Variants in SV2B observed in about 807,000 individuals in gnomAD.
SV2B encodes synaptic vesicle glycoprotein 2B, also known as solute carrier family 22 member B2.
In SV2B, 41 loss-of-function variants were observed where a neutral mutation model predicts 73.9. That is an observed-to-expected ratio of 0.56 (90% CI 0.43 to 0.72). The LOEUF is 0.72. Ranked by LOEUF, SV2B falls within the 30% of genes least tolerant of loss-of-function variation. SV2B has a pLI of 0.00. For synonymous variants in SV2B, 314 were observed against 314.2 expected (o/e 1.00, Z 0.01); for missense variants, 764 against 857.8 (o/e 0.89, Z 1.37).
At chr15:91,291,231 T>C (rs552307579) in intron 12 of SV2B, among the ~76,000 whole-genome samples, 2 of 151,504 alleles carry the variant, frequency 1.3e-5, no homozygotes, top group Non-Finnish European at 2.9e-5. Context: ...ATTCAACAAG[T>C]TTTTTTTCCC....
intron 1 of SV2B, among the ~76,000 whole-genome samples, chr15:91,218,079 G>C (rs2046094771): frequency 6.6e-6 from 1 of 152,208 alleles, no homozygotes; most frequent in African/African-American, 2.4e-5. Flanking sequence ...AGATTAACAA[G>C]AGAAAAGCAC....
chr15:91,238,662 G>A (rs904728366), intron 2 of SV2B, among the ~76,000 whole-genome samples: 8 of 152,346 alleles, frequency 5.3e-5, no homozygotes, highest in Middle Eastern at 3.4e-3. Context: ...CAGCCAGTGG[G>A]TGTAAAATCA....
At chr15:91,176,097 T>A (rs558901206) in intron 1 of SV2B, among the ~76,000 whole-genome samples, 218 of 150,764 alleles carry the variant, frequency 1.4e-3, no homozygotes, top group Non-Finnish European at 2.3e-3. Flanking sequence ...TGTCCATGTG[T>A]TCTCATTGTT....
In SV2B at chr15:91,129,609, G is replaced by C. The variant is rs1333037941; in HGVS notation, c.-392+29246G>C. Among the ~76,000 whole-genome samples the C allele has an allele frequency of 6.6e-6, 1 of 152,226 alleles. No individual in the cohort carries two copies. Among genetic ancestry groups the C allele is most frequent in the Non-Finnish European group, 1.5e-5 (1 of 68,050 alleles). On this transcript the variant is annotated intron_variant, in intron 1 of 12. Transcript: ENST00000394232. This position sits in a 1 kb window ranked among gnomAD's most constrained non-coding sequence, Gnocchi z 5.1. ...TGGGCACAGACTAGGACTGCATCTGGTTGCCTCCAGATGGCTTTAGGGGCC... is the reference window on the plus strand; with the variant it reads ...TGGGCACAGACTAGGACTGCATCTGCTTGCCTCCAGATGGCTTTAGGGGCC...
chr15:91,176,532 C>G (rs1257688757), intron 1 of SV2B, among the ~76,000 whole-genome samples: 2 of 152,202 alleles, frequency 1.3e-5, no homozygotes, highest in African/African-American at 4.8e-5. Context: ...TCCTATTTCT[C>G]CACATCCTCT....
intron 9 of SV2B, among the ~76,000 whole-genome samples, chr15:91,273,819 T>A (rs1342306119): frequency 6.6e-6 from 1 of 152,182 alleles, no homozygotes; most frequent in African/African-American, 2.4e-5. Context: ...TCGCCGGAGG[T>A]CATGATCACC....
rs1224042654 is a variant in SV2B at position 91,197,615 on chromosome 15, A to G, written c.-391-28258A>G. On this transcript the variant is annotated intron_variant, in intron 1 of 12. Transcript: ENST00000394232. This position sits in a 1 kb window ranked among gnomAD's most constrained non-coding sequence, Gnocchi z 4.9. ...TAAAGACAAGAATGGATAAGTAAGG[A>G]GAGTTATCCCTAGGAATACTATATA... Among the ~76,000 whole-genome samples the G allele has an allele frequency of 6.6e-6, 1 of 152,228 alleles. No individual in the cohort carries two copies. Among genetic ancestry groups the G allele is most frequent in the Non-Finnish European group, 1.5e-5 (1 of 68,038 alleles).
intron 2 of SV2B, among the ~76,000 whole-genome samples, chr15:91,238,459 T>G (rs2046875689): frequency 6.6e-6 from 1 of 152,264 alleles, no homozygotes; most frequent in Admixed American, 6.5e-5. Context: ...AGTCTGTTGC[T>G]TCTCCTTTAT....
At chr15:91,260,778 G>A (rs934072062) in intron 6 of SV2B, among the ~76,000 whole-genome samples, 8 of 152,190 alleles carry the variant, frequency 5.3e-5, no homozygotes, top group African/African-American at 1.9e-4. Flanking sequence ...GAATCATGGC[G>A]GGAGGCGAAA....
chr15:91,289,312 C>G lies in SV2B; in HGVS notation c.1709-209C>G, dbSNP rs1422609028. Among the ~76,000 whole-genome samples, 3 of 152,202 alleles carry G rather than the reference C, an allele frequency of 2.0e-5. No homozygotes were observed. The highest frequency in any genetic ancestry group is 7.2e-5 in the African/African-American group (3 of 41,456). ...ATCCTTCCTAAGTCTGGTGATCTGA[C>G]CCACGCAGAGGGCTCTAATGCCATG... On this transcript the variant is annotated intron_variant, in intron 11 of 12. Coordinates refer to ENST00000394232, the MANE Select transcript of SV2B (RefSeq NM_001323032.3). This position sits in a 1 kb window ranked among gnomAD's most constrained non-coding sequence, Gnocchi z 4.9.
At chr15:91,219,918 G>C (rs7166153) in intron 1 of SV2B, among the ~76,000 whole-genome samples, 3 of 152,016 alleles carry the variant, frequency 2.0e-5, no homozygotes, top group African/African-American at 4.8e-5. Context: ...TTCATTTGAC[G>C]TAATGTTCAC....
At chr15:91,285,058 A>G (rs889770054) in intron 11 of SV2B, among the ~76,000 whole-genome samples, 6 of 152,236 alleles carry the variant, frequency 3.9e-5, no homozygotes, top group Non-Finnish European at 7.3e-5. Context: ...TGATTAGGAA[A>G]GTTAATACGA....
intron 1 of SV2B, among the ~76,000 whole-genome samples, chr15:91,102,851 A>G (rs937956694): frequency 2.6e-5 from 4 of 152,192 alleles, no homozygotes; most frequent in Non-Finnish European, 4.4e-5. Flanking sequence ...GATTCTGGTA[A>G]ATGACATTTT....
At chr15:91,249,412 A>G (rs1047811597) in intron 2 of SV2B, among the ~76,000 whole-genome samples, 2 of 152,196 alleles carry the variant, frequency 1.3e-5, no homozygotes, top group Non-Finnish European at 2.9e-5. Context: ...TCTCACTCAT[A>G]GATAATCATA....
intron 2 of SV2B, among the ~76,000 whole-genome samples, chr15:91,238,524 T>C (rs1387321217): frequency 1.3e-5 from 2 of 152,246 alleles, no homozygotes; most frequent in Non-Finnish European, 2.9e-5. Flanking sequence ...CATATAACCT[T>C]AAACAACTTC....
chr15:91,150,207 A>G (rs1320276010), intron 1 of SV2B, among the ~76,000 whole-genome samples: 1 of 152,054 alleles, frequency 6.6e-6, no homozygotes, highest in Non-Finnish European at 1.5e-5. Context: ...GTGTTTTGCC[A>G]TGTTGGCCAG....
Position 91,132,157 on chromosome 15 carries a change from G to C in SV2B, c.-392+31794G>C, listed in dbSNP as rs1410825273. Among the ~76,000 whole-genome samples the C allele has an allele frequency of 1.3e-5, 2 of 152,196 alleles. No homozygotes were observed. ...TTATCGAAAATGAAAGTACACTCCA[G>C]TGTGGCCGCAGACCCCAGCAGCGGC... On this transcript the variant is annotated intron_variant, in intron 1 of 12. Transcript: ENST00000394232. This position sits in a 1 kb window ranked among gnomAD's most constrained non-coding sequence, Gnocchi z 4.6.
At chr15:91,150,989 G>A (rs1416456684) in intron 1 of SV2B, among the ~76,000 whole-genome samples, 1 of 152,160 alleles carries the variant, frequency 6.6e-6, no homozygotes, top group East Asian at 1.9e-4. Context: ...CCCCTTACGC[G>A]TGTAGCCTGG....
At chr15:91,176,406 C>A (rs372332392) in intron 1 of SV2B, among the ~76,000 whole-genome samples, 52,933 of 147,774 alleles carry the variant, frequency 0.36, 10,996 homozygotes, top group African/African-American at 0.52. Flanking sequence ...GTATATACCC[C>A]GTAATTGGAT....
Sources: gnomAD v4.1 joint callset for allele counts (sites outside exome capture counted in the v4.1 genomes callset) on GRCh38, gnomAD v4.1.1 for gene constraint, Gnocchi (gnomAD v3.1) non-coding constraint, MANE v1.5 for transcripts, NCBI Gene and HGNC (gene_info 2026-07-23, HGNC 2026-07-21) for gene names.